Variants in AK9 observed in about 807,000 individuals in gnomAD.
AK9 encodes adenylate kinase domain containing 1.
A neutral mutation model predicts 239.6 loss-of-function variants in AK9; 191 were observed. The observed-to-expected ratio is 0.80, with a 90% CI of 0.71 to 0.90. The LOEUF (loss-of-function observed/expected upper bound fraction) is 0.90, where lower values mean the gene tolerates loss of function less well. Ranked by LOEUF, AK9 falls within the 40% of genes least tolerant of loss-of-function variation. The probability of loss-of-function intolerance (pLI) is 0.00; values close to 1 mark genes in which losing one functional copy is unlikely to be tolerated. For missense variants in AK9, 1,995 were observed against 2,214.7 expected (o/e 0.90, Z 1.99); for synonymous variants, 689 against 721.0 (o/e 0.96, Z 0.71).
chr6:109,527,108 C>T (rs761440794), intron 29 of AK9, among the ~76,000 whole-genome samples: 4 of 152,272 alleles, frequency 2.6e-5, no homozygotes, highest in East Asian at 1.9e-4. Context: ...GACCCAGAGA[C>T]GGAGCCAGGG....
intron 17 of AK9, among the ~76,000 whole-genome samples, chr6:109,599,378 T>C (rs1289345280): frequency 4.6e-5 from 7 of 152,174 alleles, no homozygotes; most frequent in African/African-American, 1.4e-4. Context: ...AAAGATCAGA[T>C]AGTTGTAGAT....
chr6:109,588,196 G>A lies in AK9; in HGVS notation c.1843-2124C>T, dbSNP rs374377588. Among the ~76,000 whole-genome samples, 46 of 151,806 alleles carry A rather than the reference G, an allele frequency of 3.0e-4. No homozygotes were observed. The South Asian group carries it at 3.1e-3, about 10-fold the overall frequency. On this transcript the variant is annotated intron_variant, in intron 17 of 40. Coordinates refer to ENST00000424296, the MANE Select transcript of AK9 (RefSeq NM_001145128.3). The stretch of plus-strand genomic sequence containing the variant: ...CGCCATTCTCCTGCCTCAGCCTCCC[G>A]TGTAGCTGGGACTACAGGCATGCGC...
chr6:109,648,013 C>T (rs984954873), intron 8 of AK9, among the ~76,000 whole-genome samples: 1 of 151,980 alleles, frequency 6.6e-6, no homozygotes, highest in Non-Finnish European at 1.5e-5. Context: ...GAAATGAAGG[C>T]AGAAATAAAG....
At chr6:109,646,474 C>T (rs1044540543) in intron 8 of AK9, among the ~76,000 whole-genome samples, 1 of 151,758 alleles carries the variant, frequency 6.6e-6, no homozygotes, top group African/African-American at 2.4e-5. Context: ...CTGATTCAAT[C>T]AAGTGGAAGA....
At chr6:109,515,110 T>C (rs2128114776) in intron 31 of AK9, among the ~76,000 whole-genome samples, 1 of 152,330 alleles carries the variant, frequency 6.6e-6, no homozygotes, top group African/African-American at 2.4e-5. Flanking sequence ...TTTTAGCCTT[T>C]AGAACTGTGA....
chr6:109,597,153 G>C (rs1791148649), intron 17 of AK9, among the ~76,000 whole-genome samples: 1 of 151,778 alleles, frequency 6.6e-6, no homozygotes, highest in Non-Finnish European at 1.5e-5. Context: ...CATGACTTCA[G>C]GTCAAAGGGA....
At chr6:109,670,801 T>C (rs1770752016) in intron 5 of AK9, among the ~76,000 whole-genome samples, 1 of 152,182 alleles carries the variant, frequency 6.6e-6, no homozygotes, top group African/African-American at 2.4e-5. Flanking sequence ...CCTGTTTGCC[T>C]TTTTACTTAT....
intron 33 of AK9, among the ~76,000 whole-genome samples, chr6:109,507,061 G>A (rs922756588): frequency 1.3e-5 from 2 of 152,182 alleles, no homozygotes; most frequent in African/African-American, 4.8e-5. Flanking sequence ...TCTACACTCA[G>A]CATGCTGGAG....
intron 24 of AK9, among the ~76,000 whole-genome samples, chr6:109,552,019 C>A (rs1784426558): frequency 6.6e-6 from 1 of 152,056 alleles, no homozygotes; most frequent in South Asian, 2.1e-4. Flanking sequence ...TGATGACTTC[C>A]AGCTCCATTC....
intron 24 of AK9, among the ~76,000 whole-genome samples, chr6:109,552,385 A>G (rs1784475643): frequency 1.3e-5 from 2 of 152,114 alleles, no homozygotes; most frequent in African/African-American, 4.8e-5. Flanking sequence ...CTGACTTTTT[A>G]ATAATCGCCA....
At chr6:109,662,163 A>C (rs1043349247) in intron 6 of AK9, among the ~76,000 whole-genome samples, 26 of 152,222 alleles carry the variant, frequency 1.7e-4, no homozygotes, top group African/African-American at 6.0e-4. Context: ...TAGTAAGGTG[A>C]GTAACATGAC....
intron 7 of AK9, 83 bp from the exon 8 acceptor site, chr6:109,656,967 T>A (rs1799777906): frequency 6.7e-7 from 1 of 1,481,930 alleles, no homozygotes; most frequent in Non-Finnish European, 9.2e-7. Flanking sequence ...TCCTTACACC[T>A]AGATATCATT....
At chr6:109,605,983 G>A (rs958223682) in intron 17 of AK9, among the ~76,000 whole-genome samples, 5 of 151,896 alleles carry the variant, frequency 3.3e-5, no homozygotes, top group Non-Finnish European at 7.4e-5. Flanking sequence ...GAGGACAAGG[G>A]CCCCTGAGAA....
chr6:109,649,677 T>C (rs1159984506), intron 8 of AK9, among the ~76,000 whole-genome samples: 1 of 152,212 alleles, frequency 6.6e-6, no homozygotes, highest in African/African-American at 2.4e-5. Context: ...ATTTATAGAT[T>C]CAATGCCATC....
chr6:109,683,599 C>A (rs1773005409), intron 1 of AK9, among the ~76,000 whole-genome samples: 1 of 152,108 alleles, frequency 6.6e-6, no homozygotes, highest in African/African-American at 2.4e-5. Context: ...TTCCTGTACA[C>A]CAATAACAGA....
rs567037438 is a variant in AK9, at chr6:109,680,326, G to A, written c.-11-4570C>T. ...GAAGCATACACAAGTTTCAATAGCCGAATCGATCAAGTGGAAGAAAGCATA... is the reference window on the plus strand; with the variant it reads ...GAAGCATACACAAGTTTCAATAGCCAAATCGATCAAGTGGAAGAAAGCATA... On this transcript the variant is annotated intron_variant, in intron 1 of 40. Transcript: ENST00000424296. Among the ~76,000 whole-genome samples, 229 of 152,132 alleles carry A rather than the reference G, an allele frequency of 1.5e-3. 1 individual carries two copies. The highest frequency in any genetic ancestry group is 1.9e-3 in the South Asian group (9 of 4,814).
rs367871666 is a variant in AK9 at position 109,550,102 on chromosome 6, T to C, written c.2952A>G (p.Glu984=). The change falls in exon 25 of 41, where the codon GAA becomes GAG. Residue 984 remains glutamate, a synonymous_variant. Transcript: ENST00000424296. ...LEHPEDYVAH[E]EPLKAPPLRI... is the part of the protein sequence containing the mutation. ...AATACTGTCTCACCTTCAATGGTTC[T>C]TCATGAGCCACATAATCCTCAGGAT... 9 of 1,613,770 alleles carry C rather than the reference T, an allele frequency of 5.6e-6. No homozygotes were observed. In the African/African-American group the frequency reaches 9.3e-5, roughly 17 times the overall value.
At chr6:109,516,723 T>C in intron 29 of AK9, 81 bp from the exon 30 acceptor site, 9 of 1,228,918 alleles carry the variant, frequency 7.3e-6, no homozygotes, top group Non-Finnish European at 1.0e-5. Context: ...CTGGAATATT[T>C]TGTAATGGCT....
chr6:109,524,243 T>G (rs960310323), intron 29 of AK9, among the ~76,000 whole-genome samples: 1 of 151,972 alleles, frequency 6.6e-6, no homozygotes, highest in African/African-American at 2.4e-5. Context: ...AAATTGTTGG[T>G]TGGGCTTAAA....
Sources: allele counts gnomAD v4.1 joint callset (sites outside exome capture counted in the v4.1 genomes callset), GRCh38; gene constraint gnomAD v4.1.1; transcripts MANE v1.5; gene names NCBI Gene and HGNC (gene_info 2026-07-23, HGNC 2026-07-21).